KLHL18: variants seen among roughly 807,000 people sequenced by gnomAD.
KLHL18 encodes kelch-like protein 18.
In KLHL18, 38 loss-of-function variants were observed where a neutral mutation model predicts 58.5. The observed-to-expected ratio is 0.65, with a 90% CI of 0.50 to 0.85. The LOEUF (loss-of-function observed/expected upper bound fraction) is 0.85, where lower values mean the gene tolerates loss of function less well. Among genes scored for constraint, KLHL18 ranks in the 40% least tolerant of loss-of-function variants. The pLI, the probability that KLHL18 is intolerant of heterozygous loss-of-function variation, is 0.00. For missense variants in KLHL18, 624 were observed against 778.4 expected (o/e 0.80, Z 2.36); for synonymous variants, 303 against 301.9 (o/e 1.00, Z -0.04).
chr3:47,292,474 CA>C (rs77651411), intron 1 of KLHL18, among the ~76,000 whole-genome samples: 1,803 of 131,144 alleles, frequency 0.014, 12 homozygotes, highest in Admixed American at 0.023. Flanking sequence ...AACTCCATCT[CA>C]AAAAAAAAAA....
At chr3:47,285,972 A>G (rs1702665916) in intron 1 of KLHL18, among the ~76,000 whole-genome samples, 2 of 151,870 alleles carry the variant, frequency 1.3e-5, no homozygotes, top group South Asian at 4.1e-4. Flanking sequence ...CCTGGGAGGC[A>G]GAGGCTGCAG....
rs1178866977 is a variant in KLHL18 at position 47,336,693 on chromosome 3, G to A, written c.1057G>A (p.Val353Met). ...GYDGQLRLST[V>M]EAYNPETDTW... ...TGACGGCCAGCTACGGCTGAGCACT[G>A]TGGAGGCCTACAACCCGGAGACAGA... is the stretch of plus-strand genomic sequence containing the variant. Residue 353 changes from valine (V) to methionine (M), a missense_variant, in exon 7 of 10, where the codon GTG (valine) becomes ATG (methionine). Coordinates refer to ENST00000232766, the MANE Select transcript of KLHL18 (RefSeq NM_025010.5). 2 of 1,614,254 alleles carry A rather than the reference G, an allele frequency of 1.2e-6. No individual in the cohort carries two copies. Among genetic ancestry groups the A allele is most frequent in the Non-Finnish European group, 8.5e-7 (1 of 1,180,046 alleles).
chr3:47,294,801 C>T (rs1702861421), intron 1 of KLHL18, among the ~76,000 whole-genome samples: 1 of 152,200 alleles, frequency 6.6e-6, no homozygotes. Context: ...AGTTAGGATG[C>T]ATATTCCATG....
chr3:47,346,695 G>A lies in KLHL18; in HGVS notation c.*2754G>A, dbSNP rs982099976. On this transcript the variant is annotated 3_prime_UTR_variant, in exon 10 of 10. Transcript: ENST00000232766. ...GAAGACCATCCTCTTGACCACAGAG[G>A]TGTGACTGTGGGAATTCCTCCCAAT... 3 of 152,654 alleles carry A rather than the reference G, an allele frequency of 2.0e-5. No homozygotes were observed. The highest frequency in any genetic ancestry group is 4.4e-5 in the Non-Finnish European group (3 of 68,040). 9.5% of individuals were successfully genotyped at this position (152,654 alleles called of 1,614,324 possible).
intron 1 of KLHL18, among the ~76,000 whole-genome samples, chr3:47,307,154 G>A (rs1017582766): frequency 1.1e-4 from 17 of 152,012 alleles, no homozygotes; most frequent in Non-Finnish European, 1.8e-4. Context: ...TCACTGCAAC[G>A]TTCGCCTCCC....
At chr3:47,316,715 GTATA>G (rs1163789490) in intron 1 of KLHL18, among the ~76,000 whole-genome samples, 4 of 12,406 alleles carry the variant, frequency 3.2e-4, no homozygotes, top group African/African-American at 8.8e-4. Flanking sequence ...ACGTATATAT[GTATA>G]TGTGTGTGTA....
intron 3 of KLHL18, among the ~76,000 whole-genome samples, chr3:47,323,086 TTTC>T (rs991135204): frequency 5.9e-5 from 9 of 152,050 alleles, no homozygotes; most frequent in African/African-American, 2.2e-4. Context: ...CTGAATTTCT[TTTC>T]TTTTCTTTTT....
At chr3:47,295,066 A>G (rs1284857152) in intron 1 of KLHL18, among the ~76,000 whole-genome samples, 1 of 152,186 alleles carries the variant, frequency 6.6e-6, no homozygotes, top group Non-Finnish European at 1.5e-5. Context: ...TATATGGCTT[A>G]GCATTTTAAG....
At chr3:47,298,353 TAAAAA>T (rs36006254) in intron 1 of KLHL18, among the ~76,000 whole-genome samples, 17 of 118,558 alleles carry the variant, frequency 1.4e-4, no homozygotes, top group African/African-American at 2.6e-4. Flanking sequence ...ATCCTGTCTC[TAAAAA>T]AAAAAAAAAA....
chr3:47,342,625 C>A, intron 8 of KLHL18, 94 bp from the exon 9 acceptor site: 2 of 950,136 alleles, frequency 2.1e-6, no homozygotes, highest in South Asian at 1.5e-5. Context: ...GGAGAGATGG[C>A]CAGCACAGTT....
chr3:47,308,059 C>G lies in KLHL18; in HGVS notation c.130-11594C>G, dbSNP rs567366246. Among the ~76,000 whole-genome samples the G allele has an allele frequency of 5.9e-5, 9 of 152,210 alleles. No homozygotes were observed. The South Asian group carries it at 1.9e-3, about 32-fold the overall frequency. ...TTATAGACTTATTCTTACCCACCAG[C>G]TTCATGGCCTTTATGATTCAAATAT... is the stretch of plus-strand genomic sequence containing the variant. On this transcript the variant is annotated intron_variant, in intron 1 of 9. Transcript: ENST00000232766.
At chr3:47,324,826 T>A (rs1336639470) in intron 3 of KLHL18, among the ~76,000 whole-genome samples, 1 of 152,212 alleles carries the variant, frequency 6.6e-6, no homozygotes, top group East Asian at 1.9e-4. Flanking sequence ...AGCAAGACTC[T>A]GTCTCTAAAA....
intron 4 of KLHL18, 148 bp downstream of exon 4, chr3:47,330,297 C>T (rs371815606): frequency 4.3e-6 from 3 of 701,472 alleles, no homozygotes; most frequent in Non-Finnish European, 2.4e-6. Context: ...CTGTATCATG[C>T]ATTTTTCATG....
rs534042211 is a variant in KLHL18, at chr3:47,289,823, C to T, written c.129+6729C>T. ...GAATTGTAGAGGTTCCCTATCAAAG[C>T]TATCATTTTACATGTGAATGCATGG... On this transcript the variant is annotated intron_variant, in intron 1 of 9. Transcript: ENST00000232766. 8.5e-5 allele frequency among the ~76,000 whole-genome samples: 13 copies of T among 152,164 alleles called. No individual in the cohort carries two copies. In the South Asian group the frequency reaches 2.7e-3, roughly 32 times the overall value.
chr3:47,327,614 C>A (rs1703756071), intron 3 of KLHL18, among the ~76,000 whole-genome samples: 1 of 152,238 alleles, frequency 6.6e-6, no homozygotes, highest in Non-Finnish European at 1.5e-5. Context: ...GACATTCTGA[C>A]CTTCAGCGCT....
chr3:47,311,743 A>G (rs1426458919), intron 1 of KLHL18, among the ~76,000 whole-genome samples: 1 of 152,194 alleles, frequency 6.6e-6, no homozygotes. Context: ...ATATGAACAT[A>G]TAAGTTATCT....
intron 1 of KLHL18, among the ~76,000 whole-genome samples, chr3:47,297,064 C>T (rs11713101): frequency 0.47 from 72,059 of 151,914 alleles, 17,380 homozygotes; most frequent in Middle Eastern, 0.62. Context: ...GCCAGCTGTT[C>T]ATATGGGACT....
At chr3:47,340,524 T>C in intron 7 of KLHL18, 48 bp from the exon 8 acceptor site, 4 of 1,612,586 alleles carry the variant, frequency 2.5e-6, no homozygotes, top group Non-Finnish European at 3.4e-6. Flanking sequence ...GAGAGGCTGC[T>C]CCAGGAAGGC....
intron 4 of KLHL18, among the ~76,000 whole-genome samples, chr3:47,331,809 G>A (rs1386766448): frequency 6.6e-6 from 1 of 151,712 alleles, no homozygotes; most frequent in Non-Finnish European, 1.5e-5. Context: ...CCAGAAGAGA[G>A]GGAAGAATTG....
Sources: gnomAD v4.1 joint callset for allele counts (sites outside exome capture counted in the v4.1 genomes callset) on GRCh38, gnomAD v4.1.1 for gene constraint, MANE v1.5 for transcripts, NCBI Gene and HGNC (gene_info 2026-07-23, HGNC 2026-07-21) for gene names.